The following SHISA5 variants were observed in gnomAD, a reference collection of about 807,000 sequenced individuals.
SHISA5 encodes the protein shisa family member 5, also known as protein shisa-5.
In SHISA5, 21 loss-of-function variants were observed where a neutral mutation model predicts 27.5. That is an observed-to-expected ratio of 0.76 (90% CI 0.54 to 1.10). The LOEUF (loss-of-function observed/expected upper bound fraction) is 1.10, where lower values mean the gene tolerates loss of function less well. Among genes scored for constraint, SHISA5 ranks in the 50% least tolerant of loss-of-function variants. The pLI is 0.00. For missense variants in SHISA5, 314 were observed against 336.3 expected (o/e 0.93, Z 0.52); for synonymous variants, 137 against 142.2 (o/e 0.96, Z 0.26).
chr3:48,476,450 T>C (rs546568684), intron 3 of SHISA5, among the ~76,000 whole-genome samples: 2 of 148,034 alleles, frequency 1.4e-5, no homozygotes, highest in South Asian at 2.1e-4. Context: ...AGAGCTGGGG[T>C]GGGGCTCCTG....
At position 48,469,412 on chromosome 3, in the gene SHISA5, G is replaced by C; in HGVS notation, c.592C>G (p.Pro198Ala). 1.2e-6 allele frequency: 2 copies of C among 1,610,198 alleles called. No individual in the cohort carries two copies. The highest frequency in any genetic ancestry group is 2.2e-5 in the South Asian group (2 of 90,644). The part of the protein sequence containing the change: ...AAPYPMQYPP[P>A]YPAQPMGPPA... Reference sequence around the variant, plus strand: ...GGGCCCATGGGCTGGGCTGGGTAAGGTGGTGGGTACTGCATTGGGTAGGGT... The same window carrying C: ...GGGCCCATGGGCTGGGCTGGGTAAGCTGGTGGGTACTGCATTGGGTAGGGT... The change falls in exon 5 of 6, where the codon CCT becomes GCT. Residue 198 changes from proline (P) to alanine (A), a missense_variant. By Grantham distance (27) the Pro-to-Ala change is conservative. Transcript: ENST00000296444. This position sits in a 1 kb window ranked among gnomAD's most constrained non-coding sequence, Gnocchi z 4.6.
intron 2 of SHISA5, among the ~76,000 whole-genome samples, chr3:48,487,334 G>C (rs2041282275): frequency 6.6e-6 from 1 of 151,914 alleles, no homozygotes. Flanking sequence ...GTATTTTATA[G>C]TTTATATAGT....
At chr3:48,489,621 C>CATTT (rs2041360558) in intron 2 of SHISA5, among the ~76,000 whole-genome samples, 3 of 80,880 alleles carry the variant, frequency 3.7e-5, no homozygotes, top group African/African-American at 1.2e-4. Context: ...TGCGCCTGGC[C>CATTT]TTTTTTTTTT....
Position 48,469,213 on chromosome 3 carries a change from C to T in SHISA5, c.644-27G>A. On this transcript the variant is annotated intron_variant, in intron 5 of 5. Coordinates refer to ENST00000296444, the MANE Select transcript of SHISA5 (RefSeq NM_016479.6). The surrounding 1 kb of genome is among the most constrained non-coding windows in gnomAD (Gnocchi z 4.6). ...TGAAAGCAGAGAGGACCCTGGTTGGCTGTGAGCATGGTGGGCTGCCGTGTG... is the reference window on the plus strand; with the variant it reads ...TGAAAGCAGAGAGGACCCTGGTTGGTTGTGAGCATGGTGGGCTGCCGTGTG... 1 of 1,607,780 alleles carries T rather than the reference C, an allele frequency of 6.2e-7. No homozygotes were observed. The highest frequency in any genetic ancestry group is 8.5e-7 in the Non-Finnish European group (1 of 1,177,724).
intron 2 of SHISA5, among the ~76,000 whole-genome samples, chr3:48,486,578 T>TTA: frequency 7.8e-6 from 1 of 128,598 alleles, no homozygotes; most frequent in Non-Finnish European, 1.6e-5. Context: ...ATTTTATATA[T>TTA]TATATATTAT....
At chr3:48,481,421 G>A (rs1259817804) in intron 2 of SHISA5, among the ~76,000 whole-genome samples, 1 of 123,378 alleles carries the variant, frequency 8.1e-6, no homozygotes, top group African/African-American at 4.5e-5. Context: ...CCTTGGCAAT[G>A]GACCGAGACT....
chr3:48,489,968 A>G (rs1204407466), intron 2 of SHISA5, among the ~76,000 whole-genome samples: 1 of 152,134 alleles, frequency 6.6e-6, no homozygotes, highest in Admixed American at 6.6e-5. Flanking sequence ...AAGACAAGAA[A>G]AGGACCTCAA....
chr3:48,489,840 G>A (rs958141829), intron 2 of SHISA5, among the ~76,000 whole-genome samples: 9 of 151,674 alleles, frequency 5.9e-5, no homozygotes, highest in African/African-American at 2.2e-4. Flanking sequence ...ATATTGCCCA[G>A]GCTGGTCTTG....
Position 48,497,549 on chromosome 3 carries a change from C to A in SHISA5, c.233+3588G>T, listed in dbSNP as rs373477714. On this transcript the variant is annotated intron_variant, in intron 2 of 5. Coordinates refer to ENST00000296444, the MANE Select transcript of SHISA5 (RefSeq NM_016479.6). ...GTGCTGGGATTACAGGTGTGAGCCA[C>A]CGCACCCGGCCAGAAAAAAACAATC... Among the ~76,000 whole-genome samples, 84 of 151,780 alleles carry A rather than the reference C, an allele frequency of 5.5e-4. 3 individuals carry two copies. The East Asian group carries it at 0.011, about 19-fold the overall frequency.
chr3:48,480,248 C>A lies in SHISA5; in HGVS notation c.234-991G>T, dbSNP rs540173126. ...AGTACTAAAACAACAACAACAACAA[C>A]AACAAAAAACTCCTACCTTGGGAAA... On this transcript the variant is annotated intron_variant, in intron 2 of 5. Transcript: ENST00000296444. 1.0e-3 allele frequency among the ~76,000 whole-genome samples: 155 copies of A among 147,740 alleles called. 1 individual carries two copies. Among genetic ancestry groups the A allele is most frequent in the Non-Finnish European group, 1.9e-3 (130 of 67,068 alleles).
chr3:48,486,170 C>T (rs1186503021), intron 2 of SHISA5, among the ~76,000 whole-genome samples: 1 of 135,026 alleles, frequency 7.4e-6, no homozygotes, highest in Non-Finnish European at 1.6e-5. Context: ...TTCAGAAACA[C>T]TAGGAGACCA....
chr3:48,482,275 C>T (rs1039141618), intron 2 of SHISA5, among the ~76,000 whole-genome samples: 1 of 151,780 alleles, frequency 6.6e-6, no homozygotes, highest in African/African-American at 2.4e-5. Context: ...TGCAATAGCA[C>T]ACACCTGTGG....
chr3:48,480,105 G>C (rs969055748), intron 2 of SHISA5, among the ~76,000 whole-genome samples: 2 of 142,386 alleles, frequency 1.4e-5, no homozygotes, highest in African/African-American at 5.2e-5. Flanking sequence ...AGGTTTCACC[G>C]TGTTAGCCAG....
chr3:48,502,645 C>G lies in SHISA5; in HGVS notation c.77-1352G>C, dbSNP rs1169886256. 12 of 338,170 alleles carry G rather than the reference C, an allele frequency of 3.5e-5. No individual in the cohort carries two copies. In the East Asian group the frequency reaches 9.3e-4, roughly 26 times the overall value. The allele number at this position is 338,170 out of a possible 1,614,324, so 20.9% of individuals were successfully genotyped here. On this transcript the variant is annotated intron_variant, in intron 1 of 5. Coordinates refer to ENST00000296444, the MANE Select transcript of SHISA5 (RefSeq NM_016479.6). ...TCAAATGTTCCCATGTATCCTCAGGCTACATTAGCAGAGACCTGTGCCCAC... is the reference window on the plus strand; with the variant it reads ...TCAAATGTTCCCATGTATCCTCAGGGTACATTAGCAGAGACCTGTGCCCAC...
chr3:48,480,523 G>A (rs11709546), intron 2 of SHISA5, among the ~76,000 whole-genome samples: 5 of 152,048 alleles, frequency 3.3e-5, no homozygotes, highest in Admixed American at 6.6e-5. Flanking sequence ...GAAATGGGGG[G>A]GCCGAGGAGG....
chr3:48,479,167 C>G lies in SHISA5; in HGVS notation c.314+10G>C. The stretch of plus-strand genomic sequence containing the variant: ...CAGGAAGATGCACCCAGCCAGCAGG[C>G]TTTACTTACCCTGACATGGGGTCGT... On this transcript the variant is annotated intron_variant, in intron 3 of 5. Transcript: ENST00000296444. 1 of 1,603,394 alleles carries G rather than the reference C, an allele frequency of 6.2e-7. No individual in the cohort carries two copies. The highest frequency in any genetic ancestry group is 1.1e-5 in the South Asian group (1 of 89,090).
intron 1 of SHISA5, among the ~76,000 whole-genome samples, chr3:48,502,882 C>T (rs190936780): frequency 2.0e-5 from 3 of 152,310 alleles, no homozygotes; most frequent in Admixed American, 1.3e-4. Flanking sequence ...ATCTGGTGCC[C>T]GGGCCTGATC....
chr3:48,469,886 C>T lies in SHISA5; in HGVS notation c.315-43G>A. ...GTGACCCGGGGCACCTCGCCCCTCC[C>T]CAGACCAGCATCCACACCTTCCCAA... On this transcript the variant is annotated intron_variant, in intron 3 of 5. Coordinates refer to ENST00000296444, the MANE Select transcript of SHISA5 (RefSeq NM_016479.6). The surrounding 1 kb of genome is among the most constrained non-coding windows in gnomAD (Gnocchi z 4.6). 6 of 1,587,930 alleles carry T rather than the reference C, an allele frequency of 3.8e-6. No individual in the cohort carries two copies. Among genetic ancestry groups the T allele is most frequent in the Non-Finnish European group, 5.1e-6 (6 of 1,166,770 alleles).
At chr3:48,484,786 A>G (rs903116154) in intron 2 of SHISA5, among the ~76,000 whole-genome samples, 1 of 152,130 alleles carries the variant, frequency 6.6e-6, no homozygotes, top group Non-Finnish European at 1.5e-5. Context: ...CCAGCTACTC[A>G]GGAGGCTGAG....
Sources: allele counts gnomAD v4.1 joint callset (sites outside exome capture counted in the v4.1 genomes callset), GRCh38; gene constraint gnomAD v4.1.1; non-coding constraint Gnocchi (gnomAD v3.1); transcripts MANE v1.5; gene names NCBI Gene and HGNC (gene_info 2026-07-23, HGNC 2026-07-21).